The following SVEP1 variants were observed in gnomAD, a reference collection of about 807,000 sequenced individuals.
SVEP1 encodes sushi, von Willebrand factor type A, EGF and pentraxin domain containing 1.
Under a neutral mutation model 367.3 loss-of-function variants are expected in SVEP1, and 164 were observed. That is an observed-to-expected ratio of 0.45 (90% CI 0.39 to 0.51). The LOEUF (loss-of-function observed/expected upper bound fraction) is 0.51. Among genes scored for constraint, SVEP1 ranks in the 20% least tolerant of loss-of-function variants. The pLI, the probability that SVEP1 is intolerant of heterozygous loss-of-function variation, is 0.00. For missense variants in SVEP1, 4,117 were observed against 4,425.3 expected (o/e 0.93, Z 1.98); for synonymous variants, 1,666 against 1,611.6 (o/e 1.03, Z -0.81).
intron 40 of SVEP1, among the ~76,000 whole-genome samples, chr9:110,393,501 C>T (rs996124375): frequency 1.3e-5 from 2 of 152,172 alleles, no homozygotes; most frequent in African/African-American, 4.8e-5. Context: ...GTTCATCTCA[C>T]TGGGGAGTGC....
chr9:110,563,081 T>C (rs10980448), intron 1 of SVEP1, among the ~76,000 whole-genome samples: 16,901 of 152,242 alleles, frequency 0.11, 1,163 homozygotes, highest in East Asian at 0.33. Context: ...CTGAGAGGTA[T>C]TGAGAAAAAT....
At chr9:110,412,444 G>C (rs1828057641) in intron 36 of SVEP1, among the ~76,000 whole-genome samples, 1 of 152,120 alleles carries the variant, frequency 6.6e-6, no homozygotes, top group Non-Finnish European at 1.5e-5. Context: ...AAAAACCCTA[G>C]AAGAAAACCT....
At chr9:110,463,504 T>A (rs1316767139) in intron 18 of SVEP1, among the ~76,000 whole-genome samples, 1 of 136,718 alleles carries the variant, frequency 7.3e-6, no homozygotes, top group African/African-American at 2.7e-5. Context: ...CAGTACACTA[T>A]AAAAATAAAT....
intron 8 of SVEP1, among the ~76,000 whole-genome samples, chr9:110,493,613 T>A (rs1441913922): frequency 6.6e-6 from 1 of 152,064 alleles, no homozygotes; most frequent in Non-Finnish European, 1.5e-5. Flanking sequence ...TTGCCTGTAA[T>A]CCCAGCTACT....
intron 36 of SVEP1, among the ~76,000 whole-genome samples, chr9:110,412,416 C>T (rs959339483): frequency 2.6e-5 from 4 of 152,190 alleles, no homozygotes; most frequent in Admixed American, 1.3e-4. Flanking sequence ...AAGACTTAAA[C>T]GTTAAACCTA....
Position 110,366,505 on chromosome 9 carries a change from C to A in SVEP1, c.*34G>T, listed in dbSNP as rs1233350818. On this transcript the variant is annotated 3_prime_UTR_variant, in exon 48 of 48. Coordinates refer to ENST00000374469, the MANE Select transcript of SVEP1 (RefSeq NM_153366.4). ...CAGGCACTACCGAGGAGAGATGATC[C>A]TGCTTTTGGGAGAGCCAGATGGTCG... 3.2e-6 allele frequency: 5 copies of A among 1,541,346 alleles called. No homozygotes were observed. In the East Asian group the frequency reaches 1.2e-4, roughly 36 times the overall value.
rs375503129 is a variant in SVEP1, at chr9:110,498,968, G to A, written c.1681+73C>T. Reference sequence around the variant, plus strand: ...GTTTGCAGCAAAAGTTGCAAAGAAGGATTGTCCTATACTGCACCCATATGG... The same window carrying A: ...GTTTGCAGCAAAAGTTGCAAAGAAGAATTGTCCTATACTGCACCCATATGG... On this transcript the variant is annotated intron_variant, in intron 7 of 47. Transcript: ENST00000374469. 43 of 1,299,248 alleles carry A rather than the reference G, an allele frequency of 3.3e-5. 1 individual carries two copies. The African/African-American group carries it at 5.0e-4, about 15-fold the overall frequency. The allele number at this position is 1,299,248 out of a possible 1,614,324, so 80.5% of individuals were successfully genotyped here.
At position 110,429,963 on chromosome 9, in the gene SVEP1, T is replaced by G; in HGVS notation, c.5572A>C (p.Ile1858Leu). ...CCAAAAGTAAATGCTAACTCCTCAA[T>G]GCAACCATTTTCTGGAATAGCCGGT... ...GKPAIPENGC[I>L]EELAFTFGSK... is the part of the protein sequence containing the mutation. The change falls in exon 34 of 48, where the codon ATT becomes CTT. Residue 1858 changes from isoleucine to leucine, a missense_variant. Physicochemically the swap from Ile to Leu is conservative, Grantham distance 5. This residue lies in a region of SVEP1 where 2,174 missense variants were observed against 2,494.3 expected (regional missense o/e 0.87). Transcript: ENST00000374469. 6.2e-7 allele frequency: 1 copy of G among 1,612,938 alleles called. No homozygotes were observed. Among genetic ancestry groups the G allele is most frequent in the East Asian group, 2.2e-5 (1 of 44,862 alleles).
At chr9:110,423,185 A>AAAAAAAAAAAAAAAAAAAAAAAAT (rs1828199241) in intron 36 of SVEP1, among the ~76,000 whole-genome samples, 1 of 127,594 alleles carries the variant, frequency 7.8e-6, no homozygotes, top group Non-Finnish European at 1.7e-5. Flanking sequence ...AAAAAAAAAG[A>AAAAAAAAAAAAAAAAAAAAAAAAT]AAAAAAAAAG....
At chr9:110,506,940 G>A (rs932589466) in intron 5 of SVEP1, among the ~76,000 whole-genome samples, 1 of 152,048 alleles carries the variant, frequency 6.6e-6, no homozygotes, top group Admixed American at 6.6e-5. Context: ...AATAAATAGG[G>A]AAAAGAAAGA....
chr9:110,471,998 T>A (rs1185290320), intron 15 of SVEP1, among the ~76,000 whole-genome samples, 161 bp downstream of exon 15: 1 of 152,210 alleles, frequency 6.6e-6, no homozygotes, highest in African/African-American at 2.4e-5. Context: ...TCTATGATAC[T>A]GACAGCAAAA....
chr9:110,457,188 T>G, intron 21 of SVEP1, 68 bp downstream of exon 21: 1 of 1,297,386 alleles, frequency 7.7e-7, no homozygotes, highest in Non-Finnish European at 1.1e-6. Context: ...GTACTAAAGT[T>G]TGATACTGCA....
chr9:110,427,125 C>T (rs530650225), intron 36 of SVEP1, among the ~76,000 whole-genome samples: 2 of 151,836 alleles, frequency 1.3e-5, no homozygotes, highest in Non-Finnish European at 2.9e-5. Context: ...TGGTGAAACC[C>T]TGTCTCTACT....
chr9:110,434,666 T>TAAAAAAAAAAAAAAAAAAAAAAAAAAAA lies in SVEP1; in HGVS notation c.4889-161_4889-160insTTTTTTTTTTTTTTTTTTTTTTTTTTTT, dbSNP rs71371668. 2.7e-4 allele frequency among the ~76,000 whole-genome samples: 11 copies of TAAAAAAAAAAAAAAAAAAAAAAAAAAAA among 40,630 alleles called. 1 individual carries two copies. Among genetic ancestry groups the TAAAAAAAAAAAAAAAAAAAAAAAAAAAA allele is most frequent in the African/African-American group, 6.2e-4 (6 of 9,744 alleles). The allele number at this position is 40,630 out of a possible 152,430, so 26.7% of individuals were successfully genotyped here. A position where few individuals can be genotyped will look rare whatever the true frequency, so the allele number is the denominator to read the frequency against. ...CCAGATCACTGGCAAGCAAAATCAC[T>TAAAAAAAAAAAAAAAAAAAAAAAAAAAA]AAAAAAAAAAAAAAAAAAAAGCATT... On this transcript the variant is annotated intron_variant, in intron 29 of 47. Transcript: ENST00000374469.
chr9:110,528,618 C>A (rs1005466194), intron 3 of SVEP1, among the ~76,000 whole-genome samples: 1 of 151,714 alleles, frequency 6.6e-6, no homozygotes, highest in Non-Finnish European at 1.5e-5. Flanking sequence ...TGAGAAATGT[C>A]TAAGTTGATT....
intron 5 of SVEP1, among the ~76,000 whole-genome samples, chr9:110,511,507 TTTTTTTTTTTTTTTTTTTTA>T (rs1829714476): frequency 2.8e-5 from 2 of 70,246 alleles, no homozygotes; most frequent in Admixed American, 1.4e-4. Flanking sequence ...TTTTTTTTTT[TTTTTTTTTTTTTTTTTTTTA>T]CTTCTAATAC....
intron 7 of SVEP1, 35 bp downstream of exon 7, chr9:110,499,006 A>G: frequency 6.3e-7 from 1 of 1,580,988 alleles, no homozygotes; most frequent in South Asian, 1.2e-5. Flanking sequence ...ATATTAAAAA[A>G]TTTGATTTTT....
chr9:110,557,969 T>C (rs1830375224), intron 1 of SVEP1, among the ~76,000 whole-genome samples: 1 of 152,188 alleles, frequency 6.6e-6, no homozygotes, highest in East Asian at 1.9e-4. Flanking sequence ...GAAATGAGAC[T>C]ATTGCAACTG....
intron 5 of SVEP1, among the ~76,000 whole-genome samples, chr9:110,504,912 T>C (rs1829600797): frequency 1.3e-5 from 2 of 152,142 alleles, no homozygotes; most frequent in Non-Finnish European, 2.9e-5. Context: ...TAGAGCATGT[T>C]ATCTAGGAGC....
Sources: allele counts gnomAD v4.1 joint callset (sites outside exome capture counted in the v4.1 genomes callset), GRCh38; gene constraint gnomAD v4.1.1; regional missense constraint gnomAD v4.1.1; transcripts MANE v1.5; gene names NCBI Gene and HGNC (gene_info 2026-07-23, HGNC 2026-07-21).